SH2D4A: variants seen among roughly 807,000 people sequenced by gnomAD.
SH2D4A encodes SH2 domain-containing protein 4A.
Under a neutral mutation model 64.7 loss-of-function variants are expected in SH2D4A, and 70 were observed. The ratio of observed to expected loss-of-function variants is 1.08; its 90% CI spans 0.89 to 1.32. The LOEUF (loss-of-function observed/expected upper bound fraction) is 1.32, where lower values mean the gene tolerates loss of function less well. SH2D4A is among the 40% of genes most tolerant of loss of function. The probability of loss-of-function intolerance (pLI) is 0.00; values close to 1 mark genes in which losing one functional copy is unlikely to be tolerated. For synonymous variants in SH2D4A, 268 were observed against 200.7 expected (o/e 1.34, Z -2.83); for missense variants, 706 against 540.1 (o/e 1.31, Z -3.04).
intron 2 of SH2D4A, among the ~76,000 whole-genome samples, chr8:19,322,672 A>G (rs537615456): frequency 3.5e-5 from 5 of 140,940 alleles, no homozygotes; most frequent in South Asian, 4.5e-4. Context: ...GCTGCAGTGC[A>G]GTGGTGTGAG....
At chr8:19,361,063 C>G in intron 5 of SH2D4A, 140 bp from the exon 6 acceptor site, 1 of 518,678 alleles carries the variant, frequency 1.9e-6, no homozygotes, top group South Asian at 2.3e-5. Context: ...CACACTTGAT[C>G]CTTCCTAGTG....
At chr8:19,383,700 C>G (rs1477078711) in intron 8 of SH2D4A, among the ~76,000 whole-genome samples, 2 of 152,018 alleles carry the variant, frequency 1.3e-5, no homozygotes, top group African/African-American at 2.4e-5. Flanking sequence ...TATAAACTTA[C>G]AGTCTTCACA....
intron 7 of SH2D4A, 94 bp from the exon 8 acceptor site, chr8:19,373,436 G>GTA: frequency 1.3e-6 from 1 of 775,330 alleles, no homozygotes; most frequent in Non-Finnish European, 1.8e-6. Flanking sequence ...GTATATGTAT[G>GTA]TGTGTGTGTA....
chr8:19,393,680 C>G, intron 9 of SH2D4A, 139 bp downstream of exon 9: 1 of 765,476 alleles, frequency 1.3e-6, no homozygotes, highest in Non-Finnish European at 2.1e-6. Flanking sequence ...TTTGATAATT[C>G]TTCCTGATAA....
At chr8:19,393,240 C>T (rs1470011371) in intron 8 of SH2D4A, 78 bp from the exon 9 acceptor site, 1 of 1,309,634 alleles carries the variant, frequency 7.6e-7, no homozygotes, top group Non-Finnish European at 1.1e-6. Context: ...GACTCTATAT[C>T]CATGCAGCTG....
intron 2 of SH2D4A, among the ~76,000 whole-genome samples, chr8:19,324,738 T>C (rs977563962): frequency 6.6e-6 from 1 of 152,172 alleles, no homozygotes; most frequent in Non-Finnish European, 1.5e-5. Context: ...TGGGGGATCA[T>C]AGACTCCTTT....
Position 19,332,108 on chromosome 8 carries a change from T to G in SH2D4A, c.182-847T>G, listed in dbSNP as rs10098708. 6.9e-3 allele frequency among the ~76,000 whole-genome samples: 1,051 copies of G among 152,030 alleles called. 11 individuals carry two copies. The highest frequency in any genetic ancestry group is 0.024 in the African/African-American group (991 of 41,478). ...GCAAGACACCATTTCTAAAATAAAATAATAAATACAAATAAAATACAATAT... is the reference window on the plus strand; with the variant it reads ...GCAAGACACCATTTCTAAAATAAAAGAATAAATACAAATAAAATACAATAT... On this transcript the variant is annotated intron_variant, in intron 2 of 9. Coordinates refer to ENST00000265807, the MANE Select transcript of SH2D4A (RefSeq NM_022071.4).
chr8:19,345,422 C>T (rs568474823), intron 4 of SH2D4A, among the ~76,000 whole-genome samples: 9 of 152,310 alleles, frequency 5.9e-5, no homozygotes, highest in East Asian at 3.9e-4. Flanking sequence ...GTTGCCATAC[C>T]GTTTCAGCGA....
rs555414699 is a variant in SH2D4A at position 19,326,656 on chromosome 8, A to ATGTGTGTG, written c.182-6293_182-6292insTGTGTGTG. On this transcript the variant is annotated intron_variant, in intron 2 of 9. Transcript: ENST00000265807. Reference sequence around the variant, plus strand: ...CTCTTCCCCCACATCGTGTGTGTGTATGTGTGAGTGTGTGTGTGTGTAGTG... The same window carrying ATGTGTGTG: ...CTCTTCCCCCACATCGTGTGTGTGTATGTGTGTGTGTGTGAGTGTGTGTGTGTGTAGTG... Among the ~76,000 whole-genome samples the ATGTGTGTG allele has an allele frequency of 2.3e-3, 344 of 151,496 alleles. 2 individuals carry two copies. The highest frequency in any genetic ancestry group is 8.1e-3 in the African/African-American group (332 of 41,148).
chr8:19,393,263 G>A, intron 8 of SH2D4A, 55 bp from the exon 9 acceptor site: 2 of 1,519,130 alleles, frequency 1.3e-6, no homozygotes, highest in Non-Finnish European at 1.8e-6. Context: ...TTTAACAGAG[G>A]GGATTTTCTG....
chr8:19,390,107 C>T (rs774272025), intron 8 of SH2D4A, among the ~76,000 whole-genome samples: 8 of 152,142 alleles, frequency 5.3e-5, no homozygotes, highest in East Asian at 1.9e-4. Context: ...CAGTGGCTCA[C>T]GCCTATCATC....
intron 6 of SH2D4A, chr8:19,363,747 A>G (rs1416022571): frequency 2.8e-6 from 1 of 360,420 alleles, no homozygotes; most frequent in African/African-American, 2.1e-5. Flanking sequence ...ACCCATGCTC[A>G]GGCGGGGGAT....
intron 4 of SH2D4A, among the ~76,000 whole-genome samples, chr8:19,349,548 T>C (rs2052664585): frequency 6.6e-6 from 1 of 152,190 alleles, no homozygotes; most frequent in African/African-American, 2.4e-5. Context: ...TCATTAAAAG[T>C]AGTATTCTAG....
intron 1 of SH2D4A, among the ~76,000 whole-genome samples, chr8:19,314,537 C>T (rs1283492231): frequency 6.6e-6 from 1 of 152,146 alleles, no homozygotes; most frequent in Non-Finnish European, 1.5e-5. Context: ...GGGGGTCACG[C>T]GGGCACCGGA....
chr8:19,351,936 A>G (rs1396826279), intron 4 of SH2D4A, among the ~76,000 whole-genome samples: 1 of 151,988 alleles, frequency 6.6e-6, no homozygotes, highest in Non-Finnish European at 1.5e-5. Flanking sequence ...GGCACCCACC[A>G]TCATGCCTGG....
chr8:19,341,899 A>G (rs988771798), intron 4 of SH2D4A, among the ~76,000 whole-genome samples: 1 of 152,104 alleles, frequency 6.6e-6, no homozygotes, highest in African/African-American at 2.4e-5. Context: ...TTCTAAAAAA[A>G]TACTCCAGAC....
At chr8:19,340,906 C>G (rs1389689139) in intron 4 of SH2D4A, among the ~76,000 whole-genome samples, 2 of 152,100 alleles carry the variant, frequency 1.3e-5, no homozygotes, top group Non-Finnish European at 2.9e-5. Flanking sequence ...TCAGGCTGAT[C>G]TTATACATGT....
Position 19,394,939 on chromosome 8 carries a change from G to A in SH2D4A, c.*297G>A. Reference sequence around the variant, plus strand: ...ATAAAATAAAACAAATGAAGAAATGGAAAACTTTTAGAAATTAAGGTGTAC... The same window carrying A: ...ATAAAATAAAACAAATGAAGAAATGAAAAACTTTTAGAAATTAAGGTGTAC... On this transcript the variant is annotated 3_prime_UTR_variant, in exon 10 of 10. Coordinates refer to ENST00000265807, the MANE Select transcript of SH2D4A (RefSeq NM_022071.4). 1 of 210,678 alleles carries A rather than the reference G, an allele frequency of 4.7e-6. No homozygotes were observed. Among genetic ancestry groups the A allele is most frequent in the Non-Finnish European group, 9.3e-6 (1 of 107,122 alleles). 13.1% of individuals were successfully genotyped at this position (210,678 alleles called of 1,614,324 possible).
intron 4 of SH2D4A, among the ~76,000 whole-genome samples, chr8:19,335,380 A>T (rs139575541): frequency 6.6e-6 from 1 of 152,162 alleles, no homozygotes; most frequent in East Asian, 1.9e-4. Context: ...CCCCTATTTC[A>T]TGAGACTGAA....
Sources: gnomAD v4.1 joint callset for allele counts (sites outside exome capture counted in the v4.1 genomes callset) on GRCh38, gnomAD v4.1.1 for gene constraint, MANE v1.5 for transcripts, NCBI Gene and HGNC (gene_info 2026-07-23, HGNC 2026-07-21) for gene names.